Variants in PKHD1 observed in about 807,000 individuals in gnomAD.
PKHD1 encodes PKHD1 ciliary IPT domain containing fibrocystin/polyductin, also known as fibrocystin.
A neutral mutation model predicts 412.0 loss-of-function variants in PKHD1; 291 were observed. The ratio of observed to expected loss-of-function variants is 0.71; its 90% CI spans 0.64 to 0.78. The LOEUF (loss-of-function observed/expected upper bound fraction) is 0.78. PKHD1 is among the 30% of genes least tolerant of loss of function. The pLI, the probability that PKHD1 is intolerant of heterozygous loss-of-function variation, is 0.00. For synonymous variants in PKHD1, 1,777 were observed against 1,821.5 expected (o/e 0.98, Z 0.62); for missense variants, 4,825 against 4,950.7 (o/e 0.97, Z 0.76).
intron 49 of PKHD1, among the ~76,000 whole-genome samples, chr6:51,849,642 T>C (rs1388652738): frequency 3.9e-5 from 6 of 152,194 alleles, no homozygotes; most frequent in Non-Finnish European, 5.9e-5. Flanking sequence ...TCTCTGATGA[T>C]CAATGATGTT....
At chr6:51,718,071 T>C (rs1781484503) in intron 60 of PKHD1, among the ~76,000 whole-genome samples, 1 of 152,226 alleles carries the variant, frequency 6.6e-6, no homozygotes, top group Non-Finnish European at 1.5e-5. Flanking sequence ...TTTTGCTTCA[T>C]CTCAGATCAC....
intron 35 of PKHD1, among the ~76,000 whole-genome samples, chr6:51,995,183 C>A (rs1235899416): frequency 2.0e-5 from 3 of 150,772 alleles, no homozygotes; most frequent in Non-Finnish European, 4.4e-5. Flanking sequence ...ATCTGAGCTC[C>A]AAGAGAACAG....
intron 55 of PKHD1, among the ~76,000 whole-genome samples, chr6:51,770,561 G>A (rs6910054): frequency 0.18 from 27,910 of 151,114 alleles, 3,380 homozygotes; most frequent in African/African-American, 0.34. Flanking sequence ...TGGCAAATTT[G>A]TACTTACTTT....
At chr6:52,008,157 C>G (rs1057506904) in intron 35 of PKHD1, among the ~76,000 whole-genome samples, 3 of 152,130 alleles carry the variant, frequency 2.0e-5, no homozygotes, top group Admixed American at 6.5e-5. Context: ...ATTCCTAGTT[C>G]CTAAAGATTA....
At chr6:52,080,641 T>A (rs1252674679) in intron 4 of PKHD1, among the ~76,000 whole-genome samples, 1 of 152,230 alleles carries the variant, frequency 6.6e-6, no homozygotes. Context: ...TGACCTTAAA[T>A]ATTTAGATCT....
chr6:51,898,862 C>A (rs1222272850), intron 43 of PKHD1, among the ~76,000 whole-genome samples: 1 of 151,992 alleles, frequency 6.6e-6, no homozygotes, highest in African/African-American at 2.4e-5. Flanking sequence ...GAAATACAAA[C>A]TACCATCAGA....
chr6:51,954,048 T>C (rs1790764559), intron 36 of PKHD1, among the ~76,000 whole-genome samples: 1 of 152,142 alleles, frequency 6.6e-6, no homozygotes, highest in Non-Finnish European at 1.5e-5. Context: ...GCTTTGTATA[T>C]AGAAGCAGCC....
At chr6:51,840,621 G>T (rs985845273) in intron 50 of PKHD1, among the ~76,000 whole-genome samples, 2 of 152,088 alleles carry the variant, frequency 1.3e-5, no homozygotes, top group South Asian at 4.2e-4. Context: ...CTCTCAGGAG[G>T]GTCCTGGGAA....
intron 28 of PKHD1, 38 bp downstream of exon 28, chr6:52,035,553 C>T (rs566676739): frequency 1.9e-5 from 30 of 1,595,972 alleles, no homozygotes; most frequent in Middle Eastern, 1.7e-4. Flanking sequence ...AGTGGTCACT[C>T]ACCCAGAGAG....
Position 51,912,419 on chromosome 6 carries a change from A to C in PKHD1, c.6279T>G (p.Ile2093Met). The change falls in exon 38 of 67, where the codon ATT (isoleucine) becomes ATG (methionine). Residue 2093 changes from isoleucine (I) to methionine (M), a missense_variant. By Grantham distance (10) the Ile-to-Met change is conservative. Coordinates refer to ENST00000371117, the MANE Select transcript of PKHD1 (RefSeq NM_138694.4). ...GVKGAKPMEEIVTVETVQDTD... is the reference protein window; with the variant it reads ...GVKGAKPMEEMVTVETVQDTD... ...TATCCTGCACAGTTTCCACAGTGAC[A>C]ATCTCTTCCATCGGTTTGGCACCTT... 1 of 1,613,258 alleles carries C rather than the reference A, an allele frequency of 6.2e-7. No individual in the cohort carries two copies. The highest frequency in any genetic ancestry group is 1.1e-5 in the South Asian group (1 of 91,064).
At chr6:51,803,818 T>C (rs1763286160) in intron 52 of PKHD1, among the ~76,000 whole-genome samples, 1 of 151,398 alleles carries the variant, frequency 6.6e-6, no homozygotes, top group African/African-American at 2.5e-5. Context: ...GCAATTCTCT[T>C]GCCTCAGCTT....
chr6:51,994,127 T>G (rs1224612786), intron 35 of PKHD1, among the ~76,000 whole-genome samples: 2 of 143,078 alleles, frequency 1.4e-5, no homozygotes, highest in Non-Finnish European at 3.1e-5. Flanking sequence ...TACAGAACAC[T>G]TTTTTTCTTT....
intron 35 of PKHD1, among the ~76,000 whole-genome samples, chr6:51,975,398 T>G (rs551272783): frequency 2.6e-5 from 4 of 151,962 alleles, no homozygotes; most frequent in Admixed American, 1.3e-4. Flanking sequence ...ATACAACTGA[T>G]AAGAGATTAA....
At chr6:51,932,398 G>A (rs1428192142) in intron 37 of PKHD1, among the ~76,000 whole-genome samples, 1 of 152,160 alleles carries the variant, frequency 6.6e-6, no homozygotes, top group Non-Finnish European at 1.5e-5. Flanking sequence ...GAAGAGCTGT[G>A]CTATCTGCAT....
intron 43 of PKHD1, 77 bp from the exon 44 acceptor site, chr6:51,887,322 T>A: frequency 4.6e-6 from 4 of 864,418 alleles, no homozygotes; most frequent in Non-Finnish European, 6.0e-6. Flanking sequence ...CTCTTGTTTG[T>A]ACTCATCCCA....
intron 39 of PKHD1, among the ~76,000 whole-genome samples, chr6:51,910,478 G>A (rs1476636501): frequency 6.6e-6 from 1 of 152,082 alleles, no homozygotes; most frequent in Admixed American, 6.6e-5. Context: ...GACAGGCCTT[G>A]TGTTATTAAA....
At position 51,630,407 on chromosome 6, in the gene PKHD1, T is replaced by C. The variant is rs1298668596; in HGVS notation, c.11665+2158A>G. 3.9e-5 allele frequency among the ~76,000 whole-genome samples: 6 copies of C among 152,290 alleles called. No individual in the cohort carries two copies. The South Asian group carries it at 1.0e-3, about 26-fold the overall frequency. ...AAGATATTAAAGAGGTTTGTAAGAA[T>C]GCCACACTCTTTTCACTACATATTT... On this transcript the variant is annotated intron_variant, in intron 65 of 66. Coordinates refer to ENST00000371117, the MANE Select transcript of PKHD1 (RefSeq NM_138694.4).
At chr6:51,979,201 T>C (rs1327745848) in intron 35 of PKHD1, among the ~76,000 whole-genome samples, 2 of 152,174 alleles carry the variant, frequency 1.3e-5, no homozygotes. Context: ...ATACAGAGTG[T>C]GTCTGAAGAC....
chr6:51,861,101 C>A (rs746570784), intron 48 of PKHD1, among the ~76,000 whole-genome samples: 1 of 152,188 alleles, frequency 6.6e-6, no homozygotes, highest in African/African-American at 2.4e-5. Flanking sequence ...GCGTGAGCCA[C>A]CATGCCTGGC....
Sources: allele counts gnomAD v4.1 joint callset (sites outside exome capture counted in the v4.1 genomes callset), GRCh38; gene constraint gnomAD v4.1.1; transcripts MANE v1.5; gene names NCBI Gene and HGNC (gene_info 2026-07-23, HGNC 2026-07-21).